Variants in LRMDA observed in about 807,000 individuals in gnomAD.
The protein encoded by LRMDA is leucine-rich melanocyte differentiation-associated protein.
Under a neutral mutation model 29.8 loss-of-function variants are expected in LRMDA, and 18 were observed. That is an observed-to-expected ratio of 0.60 (90% CI 0.42 to 0.90). The LOEUF is 0.90. Among genes scored for constraint, LRMDA ranks in the 40% least tolerant of loss-of-function variants. LRMDA has a pLI of 0.00. For synonymous variants in LRMDA, 125 were observed against 109.4 expected (o/e 1.14, Z -0.89); for missense variants, 273 against 273.9 (o/e 1.00, Z 0.02).
chr10:75,742,382 G>A (rs1388697374), intron 2 of LRMDA, among the ~76,000 whole-genome samples: 1 of 152,230 alleles, frequency 6.6e-6, no homozygotes, highest in African/African-American at 2.4e-5. Context: ...AAGATGGAGA[G>A]AGAGGGGCAA....
At chr10:76,528,434 A>C (rs1843201023) in intron 6 of LRMDA, among the ~76,000 whole-genome samples, 1 of 152,200 alleles carries the variant, frequency 6.6e-6, no homozygotes, top group Non-Finnish European at 1.5e-5. Context: ...TATGGACAGA[A>C]AAAAGGCCAG....
intron 5 of LRMDA, among the ~76,000 whole-genome samples, chr10:76,067,931 A>G (rs560381587): frequency 6.6e-6 from 1 of 152,334 alleles, no homozygotes; most frequent in Non-Finnish European, 1.5e-5. Context: ...ATCAGACTGT[A>G]GGATTCTAGA....
At chr10:75,456,843 T>C (rs985998634) in intron 2 of LRMDA, among the ~76,000 whole-genome samples, 1 of 152,164 alleles carries the variant, frequency 6.6e-6, no homozygotes, top group Non-Finnish European at 1.5e-5. Flanking sequence ...TCCCAGCTAA[T>C]TTTTGTATTT....
At chr10:76,194,852 G>C (rs1303260077) in intron 5 of LRMDA, among the ~76,000 whole-genome samples, 1 of 152,150 alleles carries the variant, frequency 6.6e-6, no homozygotes, top group Non-Finnish European at 1.5e-5. Context: ...TCCTTTCTTT[G>C]CAGCTTCTCA....
intron 5 of LRMDA, among the ~76,000 whole-genome samples, chr10:76,261,247 A>G (rs1334510054): frequency 6.7e-6 from 1 of 149,328 alleles, no homozygotes; most frequent in Admixed American, 6.7e-5. Context: ...TTTTTTCTGT[A>G]TTTTTTAGTA....
At chr10:75,808,582 T>G (rs2132268983) in intron 2 of LRMDA, among the ~76,000 whole-genome samples, 1 of 152,312 alleles carries the variant, frequency 6.6e-6, no homozygotes, top group East Asian at 1.9e-4. Context: ...TGATCTCAGT[T>G]CACTGTAACT....
intron 2 of LRMDA, among the ~76,000 whole-genome samples, chr10:75,958,550 C>G (rs1048591976): frequency 2.7e-5 from 4 of 147,634 alleles, no homozygotes; most frequent in Admixed American, 2.1e-4. Flanking sequence ...GGAGCATCCC[C>G]TAAGAGTTCA....
chr10:76,061,540 TGTTA>T (rs1337689187), intron 5 of LRMDA, among the ~76,000 whole-genome samples: 2 of 152,142 alleles, frequency 1.3e-5, no homozygotes, highest in African/African-American at 4.8e-5. Context: ...AAAAAATACC[TGTTA>T]ATTATTTGAG....
intron 2 of LRMDA, among the ~76,000 whole-genome samples, chr10:75,858,951 T>C (rs1844873461): frequency 6.6e-6 from 1 of 152,244 alleles, no homozygotes; most frequent in Non-Finnish European, 1.5e-5. Context: ...TATTTATGCA[T>C]GCTAAAGAAA....
chr10:76,208,873 G>A (rs969546984), intron 5 of LRMDA, among the ~76,000 whole-genome samples: 1 of 151,978 alleles, frequency 6.6e-6, no homozygotes, highest in Non-Finnish European at 1.5e-5. Context: ...TTGCCTTTCC[G>A]CTGGGTGCGG....
intron 2 of LRMDA, among the ~76,000 whole-genome samples, chr10:75,806,962 G>C (rs1843865708): frequency 6.6e-6 from 1 of 152,092 alleles, no homozygotes; most frequent in African/African-American, 2.4e-5. Context: ...CGCTGGCAGA[G>C]GCATCACTCA....
intron 2 of LRMDA, among the ~76,000 whole-genome samples, chr10:75,850,051 A>G (rs979749414): frequency 6.6e-6 from 1 of 152,232 alleles, no homozygotes; most frequent in African/African-American, 2.4e-5. Context: ...CATTATGATG[A>G]TAAACATGGT....
intron 2 of LRMDA, among the ~76,000 whole-genome samples, chr10:75,442,814 G>A (rs976610380): frequency 2.0e-5 from 3 of 151,948 alleles, no homozygotes; most frequent in African/African-American, 7.3e-5. Context: ...GGAGTGCATT[G>A]AAACTGTTGA....
chr10:76,000,190 G>T (rs968747345), intron 2 of LRMDA, among the ~76,000 whole-genome samples: 2 of 152,142 alleles, frequency 1.3e-5, no homozygotes, highest in Non-Finnish European at 2.9e-5. Flanking sequence ...GAGGACGGGG[G>T]CTGGGAGGAT....
intron 2 of LRMDA, among the ~76,000 whole-genome samples, chr10:75,521,071 T>C (rs1249021472): frequency 6.6e-6 from 1 of 152,196 alleles, no homozygotes; most frequent in Non-Finnish European, 1.5e-5. Context: ...ATCCTTCCTC[T>C]GGAAGCTTCG....
chr10:76,222,360 A>G (rs1426585451), intron 5 of LRMDA, among the ~76,000 whole-genome samples: 1 of 152,208 alleles, frequency 6.6e-6, no homozygotes, highest in East Asian at 1.9e-4. Context: ...AAATTTTTGC[A>G]ACCTACTCAT....
chr10:76,313,862 G>A (rs1391172533), intron 5 of LRMDA, among the ~76,000 whole-genome samples: 3 of 151,704 alleles, frequency 2.0e-5, no homozygotes, highest in Non-Finnish European at 4.4e-5. Context: ...CTTGTATCTC[G>A]TATCTGTGGT....
At chr10:75,604,813 C>T (rs1015896951) in intron 2 of LRMDA, among the ~76,000 whole-genome samples, 7 of 152,292 alleles carry the variant, frequency 4.6e-5, no homozygotes, top group Admixed American at 4.6e-4. Context: ...ACTTACCAAT[C>T]AGAGCTTGCC....
chr10:75,445,746 A>G (rs1010338224), intron 2 of LRMDA, among the ~76,000 whole-genome samples: 2 of 152,264 alleles, frequency 1.3e-5, no homozygotes, highest in African/African-American at 4.8e-5. Context: ...CACAGCAGGC[A>G]GAGCAGAGCT....
Sources: gnomAD v4.1 joint callset for allele counts (sites outside exome capture counted in the v4.1 genomes callset) on GRCh38, gnomAD v4.1.1 for gene constraint, MANE v1.5 for transcripts, NCBI Gene and HGNC (gene_info 2026-07-23, HGNC 2026-07-21) for gene names.